SUGCT: variants seen among roughly 807,000 people sequenced by gnomAD.
SUGCT encodes succinyl-CoA:glutarate-CoA transferase, also known as succinyl-CoA:glutarate CoA-transferase.
Under a neutral mutation model 55.0 loss-of-function variants are expected in SUGCT, and 41 were observed. The ratio of observed to expected loss-of-function variants is 0.74; its 90% CI spans 0.58 to 0.97. The LOEUF (loss-of-function observed/expected upper bound fraction) is 0.97. Ranked by LOEUF, SUGCT falls within the 50% of genes least tolerant of loss-of-function variation. The pLI, the probability that SUGCT is intolerant of heterozygous loss-of-function variation, is 0.00. For synonymous variants in SUGCT, 187 were observed against 200.4 expected (o/e 0.93, Z 0.56); for missense variants, 568 against 547.8 (o/e 1.04, Z -0.37).
At chr7:40,354,284 T>C (rs537096270) in intron 9 of SUGCT, among the ~76,000 whole-genome samples, 2 of 152,138 alleles carry the variant, frequency 1.3e-5, no homozygotes, top group Admixed American at 6.5e-5. Flanking sequence ...CAGATTGAGG[T>C]ATTACATACA....
chr7:40,468,392 C>T (rs1419677494), intron 11 of SUGCT, among the ~76,000 whole-genome samples: 4 of 152,008 alleles, frequency 2.6e-5, no homozygotes, highest in Admixed American at 1.3e-4. Flanking sequence ...CTTGGCCTTT[C>T]CCCCTTTCCT....
chr7:40,705,122 G>GT (rs1006437850), intron 12 of SUGCT, among the ~76,000 whole-genome samples: 5 of 152,076 alleles, frequency 3.3e-5, no homozygotes, highest in African/African-American at 7.2e-5. Flanking sequence ...AAGTTCAGCT[G>GT]TTTTTTACTT....
the SUGCT span, among the ~76,000 whole-genome samples, chr7:41,006,492 T>A: frequency 6.6e-6 from 1 of 152,206 alleles, no homozygotes; most frequent in South Asian, 2.1e-4. Context: ...TCAGAAATAA[T>A]GAAGTTTGAA....
At chr7:40,816,687 A>G (rs1464754854) in intron 13 of SUGCT, among the ~76,000 whole-genome samples, 1 of 152,218 alleles carries the variant, frequency 6.6e-6, no homozygotes, top group Non-Finnish European at 1.5e-5. Flanking sequence ...GAGGCAAACT[A>G]AAAGCCTCTC....
At chr7:40,488,791 C>G (rs1167917548) in intron 11 of SUGCT, among the ~76,000 whole-genome samples, 2 of 152,164 alleles carry the variant, frequency 1.3e-5, no homozygotes, top group African/African-American at 2.4e-5. Flanking sequence ...TCATCTCACT[C>G]TCTCCTGACC....
chr7:40,189,543 G>T lies in SUGCT; in HGVS notation c.313-1G>T. 8.4e-7 allele frequency: 1 copy of T among 1,189,432 alleles called. No homozygotes were observed. Among genetic ancestry groups the T allele is most frequent in the Non-Finnish European group, 1.1e-6 (1 of 909,734 alleles). The allele number at this position is 1,189,432 out of a possible 1,614,324, so 73.7% of individuals were successfully genotyped here. ...ATATATATATATTTTTTAATTTTTA[G>T]AGTATTGCTGTTAATATCAAGGATC... On this transcript the variant is annotated splice_acceptor_variant, in intron 4 of 13. Coordinates refer to ENST00000335693, the MANE Select transcript of SUGCT (RefSeq NM_001193313.2). LOFTEE classifies it high-confidence loss of function.
chr7:40,392,397 G>A (rs1785488340), intron 9 of SUGCT, among the ~76,000 whole-genome samples: 1 of 152,138 alleles, frequency 6.6e-6, no homozygotes, highest in Admixed American at 6.6e-5. Flanking sequence ...GCAAGCCTAG[G>A]ATTCATGAAT....
chr7:40,346,120 G>A (rs1416736072), intron 9 of SUGCT, among the ~76,000 whole-genome samples: 1 of 151,924 alleles, frequency 6.6e-6, no homozygotes, highest in Non-Finnish European at 1.5e-5. Context: ...GAAATTATCT[G>A]TATATTAAAA....
the SUGCT span, among the ~76,000 whole-genome samples, chr7:40,907,288 G>A: frequency 6.6e-6 from 1 of 152,118 alleles, no homozygotes; most frequent in African/African-American, 2.4e-5. Context: ...TGTGTTATGT[G>A]TCATATTCCC....
At chr7:40,955,541 G>C in the SUGCT span, among the ~76,000 whole-genome samples, 3 of 152,154 alleles carry the variant, frequency 2.0e-5, no homozygotes, top group African/African-American at 7.2e-5. Flanking sequence ...GGGCTGAGAT[G>C]ATGGGGTTTT....
chr7:40,316,844 G>A lies in SUGCT; in HGVS notation c.805G>A (p.Val269Ile), dbSNP rs750657344. 4.4e-6 allele frequency: 7 copies of A among 1,581,960 alleles called. No individual in the cohort carries two copies. The highest frequency in any genetic ancestry group is 3.5e-5 in the Admixed American group (2 of 56,654). The change falls in exon 9 of 14, where the codon GTT becomes ATT. Residue 269 changes from valine to isoleucine, a missense_variant. By Grantham distance (29) the Val-to-Ile change is conservative. Transcript: ENST00000335693. ...KRWGTAHGSI[V>I]PYQAFKTKDG... is the part of the protein sequence containing the mutation. The stretch of plus-strand genomic sequence containing the variant: ...TTGGGGTACAGCTCATGGCAGTATC[G>A]TTCCTTACCAGGTAAGACTACAGCA...
At chr7:40,712,755 C>T (rs1393150827) in intron 12 of SUGCT, among the ~76,000 whole-genome samples, 1 of 152,216 alleles carries the variant, frequency 6.6e-6, no homozygotes, top group Admixed American at 6.5e-5. Context: ...ACAGGGGGCC[C>T]TTTGGCACAT....
chr7:40,912,895 G>T, the SUGCT span, among the ~76,000 whole-genome samples: 3 of 151,188 alleles, frequency 2.0e-5, no homozygotes, highest in African/African-American at 7.3e-5. Flanking sequence ...TAATGATGCT[G>T]TTTAGATACT....
the SUGCT span, among the ~76,000 whole-genome samples, chr7:40,881,926 C>A: frequency 6.6e-6 from 1 of 152,190 alleles, no homozygotes; most frequent in Non-Finnish European, 1.5e-5. Context: ...CATGTGAAAA[C>A]CATCACGAAG....
chr7:40,492,710 T>G (rs1791755867), intron 11 of SUGCT, among the ~76,000 whole-genome samples: 1 of 152,186 alleles, frequency 6.6e-6, no homozygotes, highest in African/African-American at 2.4e-5. Flanking sequence ...CTTTCAACAC[T>G]TGGCTCAAAT....
At chr7:41,009,048 A>C in the SUGCT span, among the ~76,000 whole-genome samples, 1 of 152,054 alleles carries the variant, frequency 6.6e-6, no homozygotes, top group African/African-American at 2.4e-5. Context: ...GGGAAAATGC[A>C]GTTCTAAAGA....
intron 6 of SUGCT, among the ~76,000 whole-genome samples, chr7:40,219,729 TA>T (rs941030061): frequency 6.6e-6 from 1 of 151,574 alleles, no homozygotes; most frequent in Non-Finnish European, 1.5e-5. Context: ...AAATACGAAT[TA>T]AAAAAAACTA....
rs146097328 is a variant in SUGCT at position 40,725,148 on chromosome 7, C to T, written c.1090-24286C>T. Among the ~76,000 whole-genome samples the T allele has an allele frequency of 3.5e-4, 54 of 152,132 alleles. 1 individual carries two copies. The East Asian group carries it at 7.8e-3, about 22-fold the overall frequency. On this transcript the variant is annotated intron_variant, in intron 12 of 13. Coordinates refer to ENST00000335693, the MANE Select transcript of SUGCT (RefSeq NM_001193313.2). ...TAACACATATGGTAGTGTTCTCAAG[C>T]GGTTATAGAATGTAGAATTTTGCTA... is the stretch of plus-strand genomic sequence containing the variant.
intron 13 of SUGCT, among the ~76,000 whole-genome samples, chr7:40,841,616 G>T (rs1793286054): frequency 6.6e-6 from 1 of 152,162 alleles, no homozygotes; most frequent in African/African-American, 2.4e-5. Context: ...TTACAGGTTT[G>T]TAAGACATCT....
Sources: allele counts gnomAD v4.1 joint callset (sites outside exome capture counted in the v4.1 genomes callset), GRCh38; gene constraint gnomAD v4.1.1; transcripts MANE v1.5; gene names NCBI Gene and HGNC (gene_info 2026-07-23, HGNC 2026-07-21).